ALCAM: variants seen among roughly 807,000 people sequenced by gnomAD.
ALCAM encodes activated leukocyte cell adhesion molecule.
A neutral mutation model predicts 70.9 loss-of-function variants in ALCAM; 30 were observed. The observed-to-expected ratio is 0.42, with a 90% confidence interval of 0.32 to 0.57. The LOEUF is 0.57. Ranked by LOEUF, ALCAM falls within the 20% of genes least tolerant of loss-of-function variation. ALCAM has a pLI of 0.11. For missense variants in ALCAM, 591 were observed against 695.1 expected (o/e 0.85, Z 1.68); for synonymous variants, 249 against 242.5 (o/e 1.03, Z -0.25).
chr3:105,547,254 A>C lies in ALCAM; in HGVS notation c.1210A>C (p.Lys404Gln). 1 of 1,603,196 alleles carries C rather than the reference A, an allele frequency of 6.2e-7. No individual in the cohort carries two copies. Among genetic ancestry groups the C allele is most frequent in the Non-Finnish European group, 8.5e-7 (1 of 1,175,368 alleles). ...TCTGCAGGAGGTTGAAGGACTAAAG[A>C]AAAGAGAGTCATTGACTCTCATTGT... ...TALQEVEGLKKRESLTLIVEG... is the reference protein window; with the variant it reads ...TALQEVEGLKQRESLTLIVEG... The change falls in exon 10 of 16, where the codon AAA (lysine) becomes CAA (glutamine). Residue 404 changes from lysine to glutamine, a missense_variant. Physicochemically the swap from Lys to Gln is moderately conservative, Grantham distance 53. This residue lies in a region of ALCAM where 164 missense variants were observed against 244.7 expected (regional missense o/e 0.67). Transcript: ENST00000306107.
intron 1 of ALCAM, among the ~76,000 whole-genome samples, chr3:105,398,182 G>C (rs757082183): frequency 2.0e-5 from 3 of 152,060 alleles, no homozygotes; most frequent in Non-Finnish European, 4.4e-5. Flanking sequence ...CCAGTCCTGG[G>C]ACCACACTTT....
intron 1 of ALCAM, among the ~76,000 whole-genome samples, chr3:105,509,532 G>A (rs2152619289): frequency 6.6e-6 from 1 of 151,728 alleles, no homozygotes; most frequent in South Asian, 2.1e-4. Flanking sequence ...GCCTATTCAG[G>A]TCATGTGCCT....
chr3:105,434,290 A>T (rs1302022929), intron 1 of ALCAM, among the ~76,000 whole-genome samples: 1 of 152,150 alleles, frequency 6.6e-6, no homozygotes, highest in Non-Finnish European at 1.5e-5. Flanking sequence ...TATGATTAAT[A>T]TTGGAGCGAG....
intron 1 of ALCAM, among the ~76,000 whole-genome samples, chr3:105,477,499 C>T (rs1303967985): frequency 1.3e-5 from 2 of 152,010 alleles, no homozygotes; most frequent in Non-Finnish European, 2.9e-5. Flanking sequence ...TGTAATAGGT[C>T]AATTTTCTCT....
intron 1 of ALCAM, among the ~76,000 whole-genome samples, chr3:105,517,642 C>G (rs1474389381): frequency 6.6e-6 from 1 of 152,138 alleles, no homozygotes; most frequent in Non-Finnish European, 1.5e-5. Context: ...TCTCTCTTGT[C>G]ATTCCATCTG....
At chr3:105,448,865 C>T (rs1937356971) in intron 1 of ALCAM, among the ~76,000 whole-genome samples, 1 of 152,174 alleles carries the variant, frequency 6.6e-6, no homozygotes, top group Admixed American at 6.5e-5. Flanking sequence ...TTGAGCTGCA[C>T]AGCTGTGGCA....
intron 1 of ALCAM, among the ~76,000 whole-genome samples, chr3:105,481,114 C>T (rs1419891771): frequency 6.6e-6 from 1 of 151,984 alleles, no homozygotes; most frequent in Non-Finnish European, 1.5e-5. Context: ...TAGGAACCAT[C>T]AGCAGCCTTA....
intron 1 of ALCAM, among the ~76,000 whole-genome samples, chr3:105,479,530 T>G (rs7431531): frequency 2.0e-5 from 3 of 152,048 alleles, no homozygotes; most frequent in Admixed American, 1.3e-4. Context: ...ATGGAACATA[T>G]GAATTTCTGG....
chr3:105,373,536 A>AG (rs1267950256), intron 1 of ALCAM, among the ~76,000 whole-genome samples: 1 of 152,156 alleles, frequency 6.6e-6, no homozygotes, highest in Admixed American at 6.5e-5. Context: ...AGAAAAAAAA[A>AG]CTTTCCTGTA....
At chr3:105,476,511 A>G (rs1486429431) in intron 1 of ALCAM, among the ~76,000 whole-genome samples, 1 of 152,036 alleles carries the variant, frequency 6.6e-6, no homozygotes, top group East Asian at 1.9e-4. Context: ...CATCTTCGCC[A>G]TCTCTTTACT....
intron 1 of ALCAM, among the ~76,000 whole-genome samples, chr3:105,429,509 C>T (rs1936874582): frequency 6.6e-6 from 1 of 151,896 alleles, no homozygotes; most frequent in Non-Finnish European, 1.5e-5. Flanking sequence ...GAAAGCTTTT[C>T]AGCTGAATAA....
intron 1 of ALCAM, among the ~76,000 whole-genome samples, chr3:105,368,840 T>C (rs1935150373): frequency 6.6e-6 from 1 of 152,102 alleles, no homozygotes; most frequent in Admixed American, 6.5e-5. Context: ...GCTCACCTGA[T>C]GTTTCTGAGG....
chr3:105,551,303 C>T (rs1027642946), intron 12 of ALCAM, among the ~76,000 whole-genome samples: 3 of 151,642 alleles, frequency 2.0e-5, no homozygotes, highest in African/African-American at 7.3e-5. Context: ...AGAACCTACC[C>T]TTTCTTCCTG....
At chr3:105,567,512 G>A (rs1340256005) in intron 14 of ALCAM, among the ~76,000 whole-genome samples, 1 of 151,548 alleles carries the variant, frequency 6.6e-6, no homozygotes, top group East Asian at 1.9e-4. Context: ...TCCAGAATCT[G>A]TGACTTACAA....
At chr3:105,451,606 A>G (rs1937429631) in intron 1 of ALCAM, among the ~76,000 whole-genome samples, 2 of 152,200 alleles carry the variant, frequency 1.3e-5, no homozygotes, top group African/African-American at 4.8e-5. Context: ...AAAAGCATTA[A>G]AAAAGATAAA....
chr3:105,448,791 A>G (rs955050035), intron 1 of ALCAM, among the ~76,000 whole-genome samples: 4 of 152,170 alleles, frequency 2.6e-5, no homozygotes, highest in African/African-American at 9.7e-5. Context: ...TATGGACAAG[A>G]GGGTGACAGA....
rs1257940039 is a variant in ALCAM, at chr3:105,427,649, G to A, written c.73+60168G>A. 5.3e-5 allele frequency among the ~76,000 whole-genome samples: 8 copies of A among 151,838 alleles called. No homozygotes were observed. The East Asian group carries it at 1.2e-3, about 22-fold the overall frequency. ...GCTCTTAACCCCTGAGCTTCCAATA[G>A]TCCCTAAATAAGCTGTACAATGTTT... On this transcript the variant is annotated intron_variant, in intron 1 of 15. Transcript: ENST00000306107.
intron 14 of ALCAM, among the ~76,000 whole-genome samples, chr3:105,570,130 C>T (rs1299562522): frequency 6.6e-6 from 1 of 151,804 alleles, no homozygotes; most frequent in East Asian, 1.9e-4. Context: ...ACAAGATATT[C>T]AAAGAGTCAA....
At chr3:105,386,006 C>T (rs1935643619) in intron 1 of ALCAM, among the ~76,000 whole-genome samples, 1 of 151,560 alleles carries the variant, frequency 6.6e-6, no homozygotes, top group Non-Finnish European at 1.5e-5. Context: ...ACTACTCCCT[C>T]ATGGGTGAAT....
Sources: gnomAD v4.1 joint callset for allele counts (sites outside exome capture counted in the v4.1 genomes callset) on GRCh38, gnomAD v4.1.1 for gene constraint, gnomAD v4.1.1 regional missense constraint, MANE v1.5 for transcripts, NCBI Gene and HGNC (gene_info 2026-07-23, HGNC 2026-07-21) for gene names.